CDH1: variants seen among roughly 807,000 people sequenced by gnomAD.
The protein encoded by CDH1 is cadherin 1.
In CDH1, 35 loss-of-function variants were observed where a neutral mutation model predicts 84.5. The observed-to-expected ratio is 0.41, with a 90% confidence interval of 0.32 to 0.55. CDH1 has a LOEUF of 0.55. Among genes scored for constraint, CDH1 ranks in the 20% least tolerant of loss-of-function variants. The probability of loss-of-function intolerance (pLI) is 0.19; values close to 1 mark genes in which losing one functional copy is unlikely to be tolerated. For missense variants in CDH1, 994 were observed against 1,126.6 expected, an observed-to-expected ratio of 0.88 and a Z score of 1.68; for synonymous variants, 417 against 439.0, an observed-to-expected ratio of 0.95 and a Z score of 0.63.
chr16:68,742,055 T>C (rs1321251332), intron 2 of CDH1, among the ~76,000 whole-genome samples: 1 of 152,158 alleles, frequency 6.6e-6, no homozygotes, highest in Non-Finnish European at 1.5e-5. Flanking sequence ...TTAGACAGTT[T>C]GGGATCTCTG....
chr16:68,784,806 C>CTT lies in CDH1; in HGVS notation c.164-16852_164-16851dup, dbSNP rs34946816. Among the ~76,000 whole-genome samples the CTT allele has an allele frequency of 1.4e-4, 20 of 146,504 alleles. 1 individual carries two copies. Among genetic ancestry groups the CTT allele is most frequent in the African/African-American group, 4.5e-4 (18 of 40,024 alleles). ...TAGAATACTAATCTCCAGTTCCATTCTTTTTTTTTTTTTAACAGCTTATAA... is the reference window on the plus strand; with the variant it reads ...TAGAATACTAATCTCCAGTTCCATTCTTTTTTTTTTTTTTTAACAGCTTATAA... On this transcript the variant is annotated intron_variant, in intron 2 of 15. Transcript: ENST00000261769.
At chr16:68,817,199 T>C (rs1241782676) in intron 10 of CDH1, among the ~76,000 whole-genome samples, 1 of 152,146 alleles carries the variant, frequency 6.6e-6, no homozygotes, top group African/African-American at 2.4e-5. Flanking sequence ...AACTGAGCAG[T>C]AGATCTCTGT....
intron 9 of CDH1, among the ~76,000 whole-genome samples, chr16:68,814,802 C>A (rs1226437168): frequency 3.3e-5 from 5 of 151,850 alleles, no homozygotes; most frequent in African/African-American, 1.2e-4. Flanking sequence ...TGGCGGTGGG[C>A]CCAACTACTT....
chr16:68,778,130 C>G (rs762382509), intron 2 of CDH1, among the ~76,000 whole-genome samples: 7 of 152,180 alleles, frequency 4.6e-5, no homozygotes, highest in Non-Finnish European at 7.3e-5. Context: ...CCCCTGCAAC[C>G]TCCACCTCCC....
chr16:68,817,196 C>A (rs1001571562), intron 10 of CDH1, among the ~76,000 whole-genome samples: 3 of 152,144 alleles, frequency 2.0e-5, no homozygotes, highest in African/African-American at 7.2e-5. Flanking sequence ...AATAACTGAG[C>A]AGTAGATCTC....
intron 2 of CDH1, among the ~76,000 whole-genome samples, chr16:68,750,989 C>G (rs144276562): frequency 1.3e-5 from 2 of 152,106 alleles, no homozygotes; most frequent in East Asian, 1.9e-4. Flanking sequence ...ACAGGCATGA[C>G]GCCCAGCTGT....
chr16:68,758,207 CTTTTTTTTTT>C (rs57413297), intron 2 of CDH1, among the ~76,000 whole-genome samples: 3 of 40,046 alleles, frequency 7.5e-5, no homozygotes, highest in East Asian at 7.7e-4. Flanking sequence ...CTTTTTATTT[CTTTTTTTTTT>C]TTTTTTTTTT....
chr16:68,804,862 G>C (rs1597887519), intron 3 of CDH1, among the ~76,000 whole-genome samples: 1 of 101,272 alleles, frequency 9.9e-6, no homozygotes, highest in Admixed American at 1.5e-4. Context: ...ACAGAGTCTT[G>C]CTCTGTCACC....
At position 68,760,118 on chromosome 16, in the gene CDH1, A is replaced by C. The variant is rs1377958883; in HGVS notation, c.163+21707A>C. 3.6e-5 allele frequency among the ~76,000 whole-genome samples: 4 copies of C among 110,098 alleles called. No homozygotes were observed. The South Asian group carries it at 1.1e-3, about 31-fold the overall frequency. The allele number at this position is 110,098 out of a possible 152,430, so 72.2% of individuals were successfully genotyped here. On this transcript the variant is annotated intron_variant, in intron 2 of 15. Coordinates refer to ENST00000261769, the MANE Select transcript of CDH1 (RefSeq NM_004360.5). ...TTTTTTTTTTAATTTTTTTTTTTTGAGATGAAATCTTGCTCTTGTCCCCCA... is the reference window on the plus strand; with the variant it reads ...TTTTTTTTTTAATTTTTTTTTTTTGCGATGAAATCTTGCTCTTGTCCCCCA...
chr16:68,822,008 A>G lies in CDH1; in HGVS notation c.1719A>G (p.Pro573=), dbSNP rs1596963337. ...CTGTGTATTTTCTCTTAGGTTCTCC[A>G]GTTGCTACTGGAACAGGGACACTTC... The part of the protein sequence containing the change: ...ALIIATDNGS[P]VATGTGTLLL... Residue 573 remains proline (P), a synonymous_variant, in exon 12 of 16, where the codon CCA becomes CCG. Transcript: ENST00000261769. The G allele has an allele frequency of 1.2e-6, 2 of 1,613,802 alleles. No individual in the cohort carries two copies. The highest frequency in any genetic ancestry group is 8.5e-7 in the Non-Finnish European group (1 of 1,179,676).
intron 2 of CDH1, among the ~76,000 whole-genome samples, chr16:68,755,604 TTTTA>T (rs1843484808): frequency 6.6e-6 from 1 of 152,022 alleles, no homozygotes; most frequent in African/African-American, 2.4e-5. Context: ...CTCCTTCATT[TTTTA>T]TTTATTTATC....
intron 2 of CDH1, 66 bp from the exon 3 acceptor site, chr16:68,801,604 T>C (rs1960500301): frequency 2.9e-6 from 4 of 1,366,920 alleles, no homozygotes; most frequent in Non-Finnish European, 4.2e-6. Flanking sequence ...GTTCGCTCTT[T>C]GGAGAAGGAA....
rs1352975292 is a variant in CDH1, at chr16:68,763,951, AGGTTTCCAAACCTGGGCCAGAGCT to A, written c.163+25545_163+25568del. On this transcript the variant is annotated intron_variant, in intron 2 of 15. Coordinates refer to ENST00000261769, the MANE Select transcript of CDH1 (RefSeq NM_004360.5). ...CTGCAAGGACAACCTGGGCGAGAGC[AGGTTTCCAAACCTGGGCCAGAGCT>A]GGTTGGGGGGATGGCGGACACATGG... Among the ~76,000 whole-genome samples, 8 of 152,282 alleles carry A rather than the reference AGGTTTCCAAACCTGGGCCAGAGCT, an allele frequency of 5.3e-5. No individual in the cohort carries two copies. In the East Asian group the frequency reaches 1.5e-3, roughly 29 times the overall value.
chr16:68,818,619 C>A (rs1191446939), intron 10 of CDH1, among the ~76,000 whole-genome samples: 1 of 148,414 alleles, frequency 6.7e-6, no homozygotes, highest in Non-Finnish European at 1.5e-5. Flanking sequence ...GAGGCCGAGA[C>A]GTGCGGATCA....
At chr16:68,769,190 A>G (rs1770186982) in intron 2 of CDH1, among the ~76,000 whole-genome samples, 1 of 152,200 alleles carries the variant, frequency 6.6e-6, no homozygotes, top group Non-Finnish European at 1.5e-5. Context: ...TGCCCAGCAT[A>G]GAGGAGGTCC....
chr16:68,774,017 G>A (rs1959657131), intron 2 of CDH1, among the ~76,000 whole-genome samples: 1 of 152,202 alleles, frequency 6.6e-6, no homozygotes, highest in South Asian at 2.1e-4. Context: ...CCAGCCTCAA[G>A]CGATCTTCCC....
chr16:68,809,081 A>T, intron 5 of CDH1: 1 of 556,106 alleles, frequency 1.8e-6, no homozygotes, highest in African/African-American at 1.9e-5. Flanking sequence ...TCCTCATACA[A>T]CCAGGACAAA....
intron 2 of CDH1, among the ~76,000 whole-genome samples, chr16:68,740,544 C>A (rs1392461364): frequency 2.0e-5 from 3 of 152,092 alleles, no homozygotes; most frequent in Non-Finnish European, 4.4e-5. Context: ...GGGCTAGAAA[C>A]AAGCTTGTAT....
rs956303023 is a variant in CDH1 at position 68,835,029 on chromosome 16, A to G, written c.*1530A>G. ...TTGTACTCAAAGCCCAGAATCCCCAAGTGCCTGCTTTTGATGATGTCTACA... is the reference window on the plus strand; with the variant it reads ...TTGTACTCAAAGCCCAGAATCCCCAGGTGCCTGCTTTTGATGATGTCTACA... On this transcript the variant is annotated 3_prime_UTR_variant, in exon 16 of 16. Transcript: ENST00000261769. 1 of 231,942 alleles carries G rather than the reference A, an allele frequency of 4.3e-6. No individual in the cohort carries two copies. The highest frequency in any genetic ancestry group is 2.2e-5 in the African/African-American group (1 of 45,272). 14.4% of individuals were successfully genotyped at this position (231,942 alleles called of 1,614,324 possible).
Sources: gnomAD v4.1 joint callset for allele counts (sites outside exome capture counted in the v4.1 genomes callset) on GRCh38, gnomAD v4.1.1 for gene constraint, MANE v1.5 for transcripts, NCBI Gene and HGNC (gene_info 2026-07-23, HGNC 2026-07-21) for gene names.